The following PRKN variants were observed in gnomAD, a reference collection of about 807,000 sequenced individuals.
PRKN encodes E3 ubiquitin-protein ligase parkin.
A neutral mutation model predicts 59.5 loss-of-function variants in PRKN; 56 were observed. That is an observed-to-expected ratio of 0.94 (90% CI 0.76 to 1.18). PRKN has a LOEUF of 1.18. Ranked by LOEUF, PRKN falls within the 50% of genes most tolerant of loss-of-function variation. The pLI is 0.00. For missense variants in PRKN, 657 were observed against 596.4 expected (o/e 1.10, Z -1.06); for synonymous variants, 250 against 222.1 (o/e 1.13, Z -1.12).
At chr6:161,535,636 T>C (rs534632018) in intron 9 of PRKN, among the ~76,000 whole-genome samples, 30 of 152,352 alleles carry the variant, frequency 2.0e-4, no homozygotes, top group African/African-American at 5.8e-4. Flanking sequence ...AACTTTTCTC[T>C]GTCGGAATAC....
In PRKN at chr6:161,473,908, G is replaced by T. The variant is rs1790925262; in HGVS notation, c.1083+74946C>A. Among the ~76,000 whole-genome samples, 1 of 152,092 alleles carries T rather than the reference G, an allele frequency of 6.6e-6. No individual in the cohort carries two copies. The highest frequency in any genetic ancestry group is 1.5e-5 in the Non-Finnish European group (1 of 68,014). ...GGCATTTTTATATACAAGATCGCTA[G>T]GATGGAGGGCATGACTTGTGTATGT... On this transcript the variant is annotated intron_variant, in intron 9 of 11. Coordinates refer to ENST00000366898, the MANE Select transcript of PRKN (RefSeq NM_004562.3). The surrounding 1 kb of genome is among the most constrained non-coding windows in gnomAD (Gnocchi z 4.1).
chr6:161,850,494 T>C (rs1429324403), intron 6 of PRKN, among the ~76,000 whole-genome samples: 2 of 140,180 alleles, frequency 1.4e-5, no homozygotes, highest in Non-Finnish European at 1.5e-5. Context: ...GAGAATCGCT[T>C]GAACCCGGGA....
At chr6:162,501,887 A>C (rs1402091705) in intron 1 of PRKN, among the ~76,000 whole-genome samples, 1 of 149,366 alleles carries the variant, frequency 6.7e-6, no homozygotes, top group Non-Finnish European at 1.5e-5. Flanking sequence ...ATGTGCAGCA[A>C]ACCTCTTCAG....
intron 1 of PRKN, among the ~76,000 whole-genome samples, chr6:162,652,269 T>C (rs1199983874): frequency 1.3e-4 from 20 of 152,222 alleles, no homozygotes; most frequent in Admixed American, 1.2e-3. Context: ...GACACAATTT[T>C]ATAACCTGCT....
At chr6:162,616,749 C>T (rs1782437804) in intron 1 of PRKN, among the ~76,000 whole-genome samples, 1 of 152,146 alleles carries the variant, frequency 6.6e-6, no homozygotes, top group South Asian at 2.1e-4. Flanking sequence ...TATTCTGATA[C>T]ATCTTGACAT....
intron 2 of PRKN, among the ~76,000 whole-genome samples, chr6:162,293,081 G>A (rs1402614568): frequency 6.6e-6 from 1 of 152,190 alleles, no homozygotes; most frequent in African/African-American, 2.4e-5. Context: ...CAGATGTTTA[G>A]CATCCTGGGT....
rs181337395 is a variant in PRKN, at chr6:161,677,062, C to T, written c.872-107646G>A. On this transcript the variant is annotated intron_variant, in intron 7 of 11. Coordinates refer to ENST00000366898, the MANE Select transcript of PRKN (RefSeq NM_004562.3). ...GCTTTGGCTCCTCTGCTCTATTTTA[C>T]ATCAATTCTTGTGATTTTCCAAGTC... Among the ~76,000 whole-genome samples, 12 of 152,302 alleles carry T rather than the reference C, an allele frequency of 7.9e-5. No homozygotes were observed. The East Asian group carries it at 2.3e-3, about 29-fold the overall frequency.
Position 162,165,549 on chromosome 6 carries a change from G to A in PRKN, c.534+35582C>T, listed in dbSNP as rs77235911. 9.8e-3 allele frequency among the ~76,000 whole-genome samples: 1,470 copies of A among 149,466 alleles called. 115 individuals are homozygous for A. The East Asian group carries it at 0.11, about 11-fold the overall frequency. The stretch of plus-strand genomic sequence containing the variant: ...AAAAATATGAATCACTAACCAGCAC[G>A]TAAGAAAGCACATAACATTGTCAGT... On this transcript the variant is annotated intron_variant, in intron 4 of 11. Coordinates refer to ENST00000366898, the MANE Select transcript of PRKN (RefSeq NM_004562.3).
At chr6:162,356,995 ATATAAAATGCAAAAC>A (rs1784898697) in intron 2 of PRKN, among the ~76,000 whole-genome samples, 1 of 151,730 alleles carries the variant, frequency 6.6e-6, no homozygotes, top group South Asian at 2.1e-4. Flanking sequence ...ATAAACTTCA[ATATAAAATGCAAAAC>A]TATAAAACAT....
At chr6:161,976,725 G>GA (rs1275074343) in intron 5 of PRKN, among the ~76,000 whole-genome samples, 1 of 152,102 alleles carries the variant, frequency 6.6e-6, no homozygotes, top group Admixed American at 6.5e-5. Flanking sequence ...TTGCAGACAT[G>GA]AAAAAAATCC....
chr6:162,566,578 C>A (rs1780090152), intron 1 of PRKN, among the ~76,000 whole-genome samples: 1 of 151,914 alleles, frequency 6.6e-6, no homozygotes, highest in Non-Finnish European at 1.5e-5. Flanking sequence ...CATTATTGAA[C>A]CAGGCAAAAA....
Position 162,032,640 on chromosome 6 carries a change from C to T in PRKN, c.618+21451G>A, listed in dbSNP as rs374130796. On this transcript the variant is annotated intron_variant, in intron 5 of 11. Transcript: ENST00000366898. ...TATCGCTTCATATCGATGAAAAAAG[C>T]GAAGCTGAGAGAGGTTAAAGTAAAA... Among the ~76,000 whole-genome samples the T allele has an allele frequency of 4.6e-5, 7 of 152,106 alleles. No individual in the cohort carries two copies. In the East Asian group the frequency reaches 9.7e-4, roughly 21 times the overall value.
Position 161,916,789 on chromosome 6 carries a change from A to T in PRKN, c.734+56513T>A, listed in dbSNP as rs557653309. Among the ~76,000 whole-genome samples, 537 of 152,128 alleles carry T rather than the reference A, an allele frequency of 3.5e-3. 6 individuals are homozygous for T. Among genetic ancestry groups the T allele is most frequent in the African/African-American group, 0.011 (465 of 41,498 alleles). ...ATAGACGACGTTAGTCTTTAATTTT[A>T]ATTTTTCTTTTTCTTTTTCTTTTTT... is the stretch of plus-strand genomic sequence containing the variant. On this transcript the variant is annotated intron_variant, in intron 6 of 11. Coordinates refer to ENST00000366898, the MANE Select transcript of PRKN (RefSeq NM_004562.3).
chr6:162,592,605 A>C (rs969541216), intron 1 of PRKN, among the ~76,000 whole-genome samples: 3 of 152,112 alleles, frequency 2.0e-5, no homozygotes, highest in African/African-American at 7.2e-5. Flanking sequence ...AACAGACACA[A>C]CCAAAAGAGG....
chr6:161,957,409 G>T (rs375517341), intron 6 of PRKN, among the ~76,000 whole-genome samples: 1,895 of 127,392 alleles, frequency 0.015, 49 homozygotes, highest in African/African-American at 0.056. Context: ...TGTTCTTGTT[G>T]TTTTTTTTTT....
chr6:161,417,394 G>C lies in PRKN; in HGVS notation c.1084-30517C>G, dbSNP rs1370593898. 1.3e-5 allele frequency among the ~76,000 whole-genome samples: 2 copies of C among 149,216 alleles called. No homozygotes were observed. The highest frequency in any genetic ancestry group is 4.9e-5 in the African/African-American group (2 of 40,428). The stretch of plus-strand genomic sequence containing the variant: ...GAACCTGGGAGGCGGAGGTTGCAGT[G>C]AGCAGAGATGGCGTCACTGCACTCC... On this transcript the variant is annotated intron_variant, in intron 9 of 11. Transcript: ENST00000366898. The surrounding 1 kb of genome is among the most constrained non-coding windows in gnomAD (Gnocchi z 5.4).
At chr6:161,842,995 A>G (rs978655457) in intron 6 of PRKN, among the ~76,000 whole-genome samples, 7 of 152,166 alleles carry the variant, frequency 4.6e-5, no homozygotes, top group African/African-American at 1.7e-4. Flanking sequence ...TCTTTAATCT[A>G]CTCAGGAGTG....
chr6:161,607,777 G>T (rs1028396827), intron 7 of PRKN, among the ~76,000 whole-genome samples: 2 of 152,190 alleles, frequency 1.3e-5, no homozygotes, highest in Non-Finnish European at 2.9e-5. Flanking sequence ...AGTATAGAAG[G>T]TCATAGGTTT....
rs574299283 is a variant in PRKN, at chr6:162,274,437, C to T, written c.172-11672G>A. On this transcript the variant is annotated intron_variant, in intron 2 of 11. Transcript: ENST00000366898. Reference sequence around the variant, plus strand: ...TTCTAGGCTCAAGTGATCTGCCTGCCTCAGCCTTCCAAAGTGTTGGGATTA... The same window carrying T: ...TTCTAGGCTCAAGTGATCTGCCTGCTTCAGCCTTCCAAAGTGTTGGGATTA... Among the ~76,000 whole-genome samples, 58 of 152,236 alleles carry T rather than the reference C, an allele frequency of 3.8e-4. No homozygotes were observed. In the Middle Eastern group the frequency reaches 0.01, roughly 27 times the overall value.
Sources: allele counts gnomAD v4.1 joint callset (sites outside exome capture counted in the v4.1 genomes callset), GRCh38; gene constraint gnomAD v4.1.1; non-coding constraint Gnocchi (gnomAD v3.1); transcripts MANE v1.5; gene names NCBI Gene and HGNC (gene_info 2026-07-23, HGNC 2026-07-21).